The following TRPS1 variants were observed in gnomAD, a reference collection of about 807,000 sequenced individuals.
The protein encoded by TRPS1 is zinc finger transcription factor Trps1.
In TRPS1, 6 loss-of-function variants were observed where a neutral mutation model predicts 101.2. The ratio of observed to expected loss-of-function variants is 0.06; its 90% CI spans 0.03 to 0.12. The LOEUF is 0.12. TRPS1 is among the 10% of genes least tolerant of loss of function. TRPS1 has a pLI of 1.00. For synonymous variants in TRPS1, 578 were observed against 589.8 expected (o/e 0.98, Z 0.29); for missense variants, 1,363 against 1,567.0 (o/e 0.87, Z 2.20).
intron 5 of TRPS1, among the ~76,000 whole-genome samples, chr8:115,523,707 G>T (rs1018490992): frequency 7.2e-5 from 11 of 152,050 alleles, no homozygotes; most frequent in African/African-American, 2.7e-4. Flanking sequence ...AAACAAAAAG[G>T]CTATCTAAAA....
intron 5 of TRPS1, among the ~76,000 whole-genome samples, chr8:115,454,123 A>AC (rs1813954268): frequency 6.6e-6 from 1 of 151,750 alleles, no homozygotes; most frequent in Non-Finnish European, 1.5e-5. Flanking sequence ...ACCTCCCTAC[A>AC]CCCCACAATT....
intron 5 of TRPS1, among the ~76,000 whole-genome samples, chr8:115,495,238 A>G (rs1815120453): frequency 6.6e-6 from 1 of 152,102 alleles, no homozygotes; most frequent in Non-Finnish European, 1.5e-5. Context: ...ATCCTCTTTA[A>G]ATTCGTTTTA....
chr8:115,440,592 A>G (rs1813569170), intron 5 of TRPS1, among the ~76,000 whole-genome samples: 1 of 152,244 alleles, frequency 6.6e-6, no homozygotes, highest in Non-Finnish European at 1.5e-5. Flanking sequence ...AGATGTTTAC[A>G]TTTCTATAAT....
intron 1 of TRPS1, among the ~76,000 whole-genome samples, chr8:115,661,397 C>T (rs901679761): frequency 6.6e-6 from 1 of 151,980 alleles, no homozygotes; most frequent in African/African-American, 2.4e-5. Context: ...ATACATTCCA[C>T]ATATAAAACA....
intron 5 of TRPS1, among the ~76,000 whole-genome samples, chr8:115,517,852 T>C (rs1586355798): frequency 2.0e-5 from 3 of 151,796 alleles, no homozygotes; most frequent in Non-Finnish European, 4.4e-5. Context: ...ATTGTTGCAC[T>C]GTTTGACACT....
chr8:115,458,521 C>T (rs892466810), intron 5 of TRPS1, among the ~76,000 whole-genome samples: 3 of 152,108 alleles, frequency 2.0e-5, no homozygotes, highest in South Asian at 2.1e-4. Flanking sequence ...TTGGATGCAT[C>T]CTACTGATGG....
chr8:115,578,577 T>G (rs1219491935), intron 5 of TRPS1, among the ~76,000 whole-genome samples: 1 of 152,000 alleles, frequency 6.6e-6, no homozygotes. Context: ...AAATGAACAT[T>G]GTGGGATGTA....
At chr8:115,424,078 A>G (rs888655770) in intron 5 of TRPS1, among the ~76,000 whole-genome samples, 2 of 152,228 alleles carry the variant, frequency 1.3e-5, no homozygotes, top group Non-Finnish European at 2.9e-5. Context: ...ATGATCTTTT[A>G]CAATAATTTT....
At chr8:115,590,307 A>G (rs1254280213) in intron 4 of TRPS1, among the ~76,000 whole-genome samples, 3 of 152,174 alleles carry the variant, frequency 2.0e-5, no homozygotes, top group Non-Finnish European at 4.4e-5. Context: ...TCACCCCAAG[A>G]TGGTTATAAT....
At chr8:115,548,237 A>G (rs1391891586) in intron 5 of TRPS1, among the ~76,000 whole-genome samples, 1 of 152,128 alleles carries the variant, frequency 6.6e-6, no homozygotes. Context: ...CAAAAAATAC[A>G]TATATATAAA....
intron 5 of TRPS1, among the ~76,000 whole-genome samples, chr8:115,499,818 TAGAC>T (rs1274160187): frequency 1.3e-5 from 2 of 152,184 alleles, no homozygotes; most frequent in African/African-American, 2.4e-5. Context: ...TATATCTAAT[TAGAC>T]AGTACAACTA....
chr8:115,641,051 A>C (rs1305087604), intron 1 of TRPS1, among the ~76,000 whole-genome samples: 1 of 152,216 alleles, frequency 6.6e-6, no homozygotes, highest in African/African-American at 2.4e-5. Context: ...CTGTTTTGGA[A>C]TATAACTTAA....
rs569434601 is a variant in TRPS1 at position 115,546,981 on chromosome 8, G to T, written c.2700+40020C>A. Among the ~76,000 whole-genome samples, 4 of 152,292 alleles carry T rather than the reference G, an allele frequency of 2.6e-5. No individual in the cohort carries two copies. The South Asian group carries it at 8.3e-4, about 32-fold the overall frequency. On this transcript the variant is annotated intron_variant, in intron 5 of 6. Coordinates refer to ENST00000395715, the MANE Select transcript of TRPS1 (RefSeq NM_014112.5). ...GTTCAAATGTTTAAATAATAAAACT[G>T]CCAGTGTAGTTGTCAACTACATTTG...
At chr8:115,455,443 T>A (rs906928196) in intron 5 of TRPS1, among the ~76,000 whole-genome samples, 1 of 152,190 alleles carries the variant, frequency 6.6e-6, no homozygotes, top group African/African-American at 2.4e-5. Flanking sequence ...GAGTGTCCAA[T>A]GTTTGTATTT....
chr8:115,575,476 A>C (rs1403451691), intron 5 of TRPS1, among the ~76,000 whole-genome samples: 1 of 152,074 alleles, frequency 6.6e-6, no homozygotes, highest in African/African-American at 2.4e-5. Flanking sequence ...AAACGTTGAA[A>C]ACTTATTTTC....
chr8:115,625,950 G>A (rs1174203891), intron 1 of TRPS1, among the ~76,000 whole-genome samples: 1 of 151,626 alleles, frequency 6.6e-6, no homozygotes, highest in Admixed American at 6.6e-5. Context: ...TCAACTGTTT[G>A]AAATCAAAGC....
chr8:115,414,715 T>A lies in TRPS1; in HGVS notation c.3193A>T (p.Ser1065Cys). Residue 1065 changes from serine to cysteine, a missense_variant, in exon 7 of 7, where the codon AGT becomes TGT. Ser to Cys is a moderately radical substitution (Grantham distance 112). Coordinates refer to ENST00000395715, the MANE Select transcript of TRPS1 (RefSeq NM_014112.5). The surrounding 1 kb of genome is among the most constrained non-coding windows in gnomAD (Gnocchi z 4.8). Reference protein sequence around the residue: ...PQESTGDPGNSSSVSEGKGSS... With the variant: ...PQESTGDPGNCSSVSEGKGSS... ...CCTTTCCCTTCAGATACGGATGAAC[T>A]ATTTCCTGGATCTCCAGTACTTTCC... 1 of 1,614,096 alleles carries A rather than the reference T, an allele frequency of 6.2e-7. No homozygotes were observed. The highest frequency in any genetic ancestry group is 2.2e-5 in the East Asian group (1 of 44,874).
In TRPS1 at chr8:115,619,137, C is replaced by T. The variant is rs778218349; in HGVS notation, c.961G>A (p.Val321Met). 2.5e-6 allele frequency: 4 copies of T among 1,614,102 alleles called. No homozygotes were observed. Among genetic ancestry groups the T allele is most frequent in the South Asian group, 2.2e-5 (2 of 91,086 alleles). Residue 321 changes from valine to methionine, a missense_variant, in exon 3 of 7, where the codon GTG (valine) becomes ATG (methionine). By Grantham distance (21) the Val-to-Met change is conservative (BLOSUM62 1). This residue lies in a region of TRPS1 where 1,020 missense variants were observed against 1,073.0 expected (regional missense o/e 0.95). Transcript: ENST00000395715. ...RPVLLNGTYD[V>M]QVTSGGTFIG... ...AGACAATACAAAGTACAAACCTGCACATCATAGGTCCCATTTAGTAAAACA... is the reference window on the plus strand; with the variant it reads ...AGACAATACAAAGTACAAACCTGCATATCATAGGTCCCATTTAGTAAAACA...
chr8:115,477,813 T>C (rs1814643482), intron 5 of TRPS1, among the ~76,000 whole-genome samples: 1 of 152,184 alleles, frequency 6.6e-6, no homozygotes. Context: ...CTTTTTTTTT[T>C]TCATTTAATT....
Sources: gnomAD v4.1 joint callset for allele counts (sites outside exome capture counted in the v4.1 genomes callset) on GRCh38, gnomAD v4.1.1 for gene constraint, gnomAD v4.1.1 regional missense constraint, Gnocchi (gnomAD v3.1) non-coding constraint, MANE v1.5 for transcripts, NCBI Gene and HGNC (gene_info 2026-07-23, HGNC 2026-07-21) for gene names.